The following USP6NL variants were observed in gnomAD, a reference collection of about 807,000 sequenced individuals.
USP6NL encodes USP6 N-terminal like.
In USP6NL, 26 loss-of-function variants were observed where a neutral mutation model predicts 61.9. The observed-to-expected ratio is 0.42, with a 90% CI of 0.31 to 0.58. The LOEUF (loss-of-function observed/expected upper bound fraction) is 0.58, where lower values mean the gene tolerates loss of function less well. USP6NL is among the 20% of genes least tolerant of loss of function. The pLI is 0.16. For missense variants in USP6NL, 1,114 were observed against 1,034.3 expected (o/e 1.08, Z -1.06); for synonymous variants, 432 against 390.1 (o/e 1.11, Z -1.27).
Position 11,510,515 on chromosome 10 carries a change from C to T in USP6NL, c.196-840G>A, listed in dbSNP as rs1277513853. ...AAAGTTGGGAGAAGTCTCTTGCGTG[C>T]CCACTCAAGTGAAATTCAGGGGCAA... On this transcript the variant is annotated intron_variant, in intron 5 of 14. Transcript: ENST00000609104. This position sits in a 1 kb window ranked among gnomAD's most constrained non-coding sequence, Gnocchi z 4.8. Among the ~76,000 whole-genome samples the T allele has an allele frequency of 1.3e-5, 2 of 152,094 alleles. No homozygotes were observed. The highest frequency in any genetic ancestry group is 2.9e-5 in the Non-Finnish European group (2 of 68,014).
intron 10 of USP6NL, among the ~76,000 whole-genome samples, chr10:11,488,683 T>C (rs1465220660): frequency 1.3e-5 from 2 of 152,240 alleles, no homozygotes; most frequent in Non-Finnish European, 2.9e-5. Flanking sequence ...TACTGTTTTT[T>C]TGACAAGTTG....
rs1305691861 is a variant in USP6NL, at chr10:11,589,925, G to A, written c.4+7706C>T. On this transcript the variant is annotated intron_variant, in intron 2 of 14. Coordinates refer to ENST00000609104, the MANE Select transcript of USP6NL (RefSeq NM_014688.5). This position sits in a 1 kb window ranked among gnomAD's most constrained non-coding sequence, Gnocchi z 4.7. Reference sequence around the variant, plus strand: ...CAGGGGAAGTCAGTTTCTAAATTCAGAGGGAAAAGACAGCACTCTACTACC... The same window carrying A: ...CAGGGGAAGTCAGTTTCTAAATTCAAAGGGAAAAGACAGCACTCTACTACC... 1.3e-5 allele frequency among the ~76,000 whole-genome samples: 2 copies of A among 152,154 alleles called. No homozygotes were observed. The highest frequency in any genetic ancestry group is 2.9e-5 in the Non-Finnish European group (2 of 68,030).
chr10:11,599,431 A>G (rs1838437074), intron 1 of USP6NL, among the ~76,000 whole-genome samples: 1 of 152,250 alleles, frequency 6.6e-6, no homozygotes, highest in South Asian at 2.1e-4. Flanking sequence ...AAAAGGAGCC[A>G]AAGAAATACT....
In USP6NL at chr10:11,490,210, T is replaced by A. The variant is rs1406267079; in HGVS notation, c.543+622A>T. ...TTTTAACTACAATAGAAATTATACA[T>A]CCCAAGGTTCAAAGGTCCTCCCTGG... On this transcript the variant is annotated intron_variant, in intron 9 of 14. Coordinates refer to ENST00000609104, the MANE Select transcript of USP6NL (RefSeq NM_014688.5). This position sits in a 1 kb window ranked among gnomAD's most constrained non-coding sequence, Gnocchi z 4.5. Among the ~76,000 whole-genome samples, 1 of 152,206 alleles carries A rather than the reference T, an allele frequency of 6.6e-6. No homozygotes were observed. Among genetic ancestry groups the A allele is most frequent in the Admixed American group, 6.5e-5 (1 of 15,284 alleles).
chr10:11,571,880 ACT>A (rs1298109983), intron 2 of USP6NL, among the ~76,000 whole-genome samples: 5 of 151,124 alleles, frequency 3.3e-5, no homozygotes, highest in Non-Finnish European at 7.4e-5. Flanking sequence ...AAAAAAAAAA[ACT>A]GTCTGAAAAA....
At chr10:11,610,393 T>C (rs1838849609) in intron 1 of USP6NL, among the ~76,000 whole-genome samples, 1 of 152,148 alleles carries the variant, frequency 6.6e-6, no homozygotes, top group African/African-American at 2.4e-5. Flanking sequence ...CTTATTCAGA[T>C]GACTTCAGGA....
Position 11,525,346 on chromosome 10 carries a change from T to C in USP6NL, c.155+40A>G. 4 of 1,513,386 alleles carry C rather than the reference T, an allele frequency of 2.6e-6. No individual in the cohort carries two copies. The highest frequency in any genetic ancestry group is 3.6e-6 in the Non-Finnish European group (4 of 1,115,152). 93.7% of individuals were successfully genotyped at this position (1,513,386 alleles called of 1,614,324 possible). A position where few individuals can be genotyped will look rare whatever the true frequency, so the allele number is the denominator to read the frequency against. On this transcript the variant is annotated intron_variant, in intron 4 of 14. Coordinates refer to ENST00000609104, the MANE Select transcript of USP6NL (RefSeq NM_014688.5). The surrounding 1 kb of genome is among the most constrained non-coding windows in gnomAD (Gnocchi z 5.0). ...AATATAATAGGTGACCACAGAAACGTTATAATCTAAAAAGCAAGCTTTCAA... is the reference window on the plus strand; with the variant it reads ...AATATAATAGGTGACCACAGAAACGCTATAATCTAAAAAGCAAGCTTTCAA...
chr10:11,539,621 T>C (rs1835972306), intron 2 of USP6NL, among the ~76,000 whole-genome samples: 1 of 152,226 alleles, frequency 6.6e-6, no homozygotes, highest in Admixed American at 6.5e-5. Context: ...ACAACAGATA[T>C]TTAGAACCAA....
chr10:11,582,229 G>A (rs1837799345), intron 2 of USP6NL, among the ~76,000 whole-genome samples: 1 of 152,216 alleles, frequency 6.6e-6, no homozygotes, highest in Admixed American at 6.5e-5. Flanking sequence ...GCCTCCCAAA[G>A]TGCTGGGATT....
At chr10:11,601,312 C>T (rs555140355) in intron 1 of USP6NL, among the ~76,000 whole-genome samples, 22 of 152,096 alleles carry the variant, frequency 1.4e-4, no homozygotes, top group African/African-American at 5.3e-4. Flanking sequence ...ATTAACAATA[C>T]GTTGTTAAGA....
At chr10:11,573,908 G>A (rs888658930) in intron 2 of USP6NL, 4 of 366,940 alleles carry the variant, frequency 1.1e-5, no homozygotes, top group African/African-American at 6.3e-5. Flanking sequence ...ATTTCAGCAC[G>A]TGTGAAAGCC....
At chr10:11,522,854 C>T (rs58239199) in intron 4 of USP6NL, among the ~76,000 whole-genome samples, 2,570 of 152,318 alleles carry the variant, frequency 0.017, 65 homozygotes, top group African/African-American at 0.059. Flanking sequence ...CAACAGGCAG[C>T]ATACTGTAGC....
At position 11,487,851 on chromosome 10, in the gene USP6NL, TGA is replaced by T. The variant is rs1833535967; in HGVS notation, c.664+1249_664+1250del. Among the ~76,000 whole-genome samples the T allele has an allele frequency of 6.6e-6, 1 of 152,160 alleles. No homozygotes were observed. ...ACAATATCCTCACATGGTCAGAGTG[TGA>T]GACTTCACAAACAATGGGCTATAGA... On this transcript the variant is annotated intron_variant, in intron 10 of 14. Transcript: ENST00000609104. This position sits in a 1 kb window ranked among gnomAD's most constrained non-coding sequence, Gnocchi z 4.2.
intron 2 of USP6NL, among the ~76,000 whole-genome samples, chr10:11,549,224 T>A (rs1836396784): frequency 1.3e-5 from 2 of 152,174 alleles, no homozygotes; most frequent in South Asian, 4.1e-4. Context: ...CCATTCTCTT[T>A]TCTGTTCAAA....
At chr10:11,486,658 T>C (rs971322830) in intron 10 of USP6NL, among the ~76,000 whole-genome samples, 1 of 152,234 alleles carries the variant, frequency 6.6e-6, no homozygotes, top group East Asian at 1.9e-4. Flanking sequence ...CTGGGTTCCA[T>C]GCAACTCTGA....
In USP6NL at chr10:11,592,906, C is replaced by T. The variant is rs1453623616; in HGVS notation, c.4+4725G>A. Reference sequence around the variant, plus strand: ...AAATTGTTCTTCACTTCAGCATGAACACTTAGTCCCCTGCTCCAGTGAATG... The same window carrying T: ...AAATTGTTCTTCACTTCAGCATGAATACTTAGTCCCCTGCTCCAGTGAATG... On this transcript the variant is annotated intron_variant, in intron 2 of 14. Transcript: ENST00000609104. This position sits in a 1 kb window ranked among gnomAD's most constrained non-coding sequence, Gnocchi z 4.7. Among the ~76,000 whole-genome samples, 3 of 152,324 alleles carry T rather than the reference C, an allele frequency of 2.0e-5. No homozygotes were observed. The highest frequency in any genetic ancestry group is 2.0e-4 in the Admixed American group (3 of 15,306).
At chr10:11,514,296 T>C (rs916761977) in intron 5 of USP6NL, among the ~76,000 whole-genome samples, 2 of 152,060 alleles carry the variant, frequency 1.3e-5, no homozygotes, top group Non-Finnish European at 2.9e-5. Context: ...CATCCACTGA[T>C]GATCCCTACC....
chr10:11,556,523 A>T (rs1487729423), intron 2 of USP6NL, among the ~76,000 whole-genome samples: 1 of 152,222 alleles, frequency 6.6e-6, no homozygotes, highest in African/African-American at 2.4e-5. Flanking sequence ...CTATTTAGAA[A>T]AGAGAGATCA....
In USP6NL at chr10:11,602,545, A is replaced by G. The variant is rs1838572258; in HGVS notation, c.-83-4828T>C. ...AAGTCTCTCGCATCATGGAATGTAC[A>G]GCACAGTAATTTCAGTACCCTCCTT... is the stretch of plus-strand genomic sequence containing the variant. On this transcript the variant is annotated intron_variant, in intron 1 of 14. Transcript: ENST00000609104. The surrounding 1 kb of genome is among the most constrained non-coding windows in gnomAD (Gnocchi z 4.8). Among the ~76,000 whole-genome samples, 1 of 152,232 alleles carries G rather than the reference A, an allele frequency of 6.6e-6. No homozygotes were observed. The highest frequency in any genetic ancestry group is 1.5e-5 in the Non-Finnish European group (1 of 68,040).
Sources: gnomAD v4.1 joint callset for allele counts (sites outside exome capture counted in the v4.1 genomes callset) on GRCh38, gnomAD v4.1.1 for gene constraint, Gnocchi (gnomAD v3.1) non-coding constraint, MANE v1.5 for transcripts, NCBI Gene and HGNC (gene_info 2026-07-23, HGNC 2026-07-21) for gene names.